The following COMMD10 variants were observed in gnomAD, a reference collection of about 807,000 sequenced individuals.
COMMD10 encodes COMM domain-containing protein 10.
COMMD10 carries 33 observed loss-of-function variants against 28.9 expected under a neutral mutation model. The observed-to-expected ratio is 1.14, with a 90% confidence interval of 0.87 to 1.53. The LOEUF (loss-of-function observed/expected upper bound fraction) is 1.53. Ranked by LOEUF, COMMD10 falls within the 40% of genes most tolerant of loss-of-function variation. The pLI is 0.00. For missense variants in COMMD10, 310 were observed against 233.4 expected (o/e 1.33, Z -2.14); for synonymous variants, 110 against 81.7 (o/e 1.35, Z -1.87).
chr5:116,152,205 C>A (rs1752551318), intron 5 of COMMD10, among the ~76,000 whole-genome samples: 1 of 152,164 alleles, frequency 6.6e-6, no homozygotes, highest in African/African-American at 2.4e-5. Context: ...AGTTTGATTG[C>A]ACTGTGGTCT....
chr5:116,282,319 C>T (rs1057294003), intron 5 of COMMD10, among the ~76,000 whole-genome samples: 4 of 151,888 alleles, frequency 2.6e-5, no homozygotes, highest in Admixed American at 2.6e-4. Flanking sequence ...CACATTTGAT[C>T]AAGCCACTGT....
chr5:116,143,069 G>GT (rs375227609), intron 5 of COMMD10, among the ~76,000 whole-genome samples: 85,321 of 130,764 alleles, frequency 0.65, 27,305 homozygotes, highest in East Asian at 0.72. Context: ...TGTGTTTTTG[G>GT]TTTTTTTTTT....
intron 5 of COMMD10, among the ~76,000 whole-genome samples, chr5:116,236,415 A>C (rs1749663194): frequency 6.6e-6 from 1 of 151,520 alleles, no homozygotes; most frequent in African/African-American, 2.4e-5. Flanking sequence ...GAGGCACTAG[A>C]ATAGCTTGAT....
chr5:116,209,136 G>A (rs1338917881), intron 5 of COMMD10, among the ~76,000 whole-genome samples: 1 of 149,348 alleles, frequency 6.7e-6, no homozygotes, highest in African/African-American at 2.5e-5. Flanking sequence ...TTTTCTTTTT[G>A]TTTGTAGTTT....
intron 4 of COMMD10, among the ~76,000 whole-genome samples, chr5:116,110,559 G>T (rs1751010557): frequency 6.6e-6 from 1 of 152,094 alleles, no homozygotes; most frequent in South Asian, 2.1e-4. Flanking sequence ...GTCTATTCAG[G>T]CTTTCTGTTT....
At chr5:116,162,701 A>T (rs1160343281) in intron 5 of COMMD10, among the ~76,000 whole-genome samples, 5 of 152,202 alleles carry the variant, frequency 3.3e-5, no homozygotes, top group Non-Finnish European at 7.3e-5. Context: ...TTTTCTATCC[A>T]GAGGGACAGT....
intron 5 of COMMD10, among the ~76,000 whole-genome samples, chr5:116,161,906 C>T (rs1228798920): frequency 6.6e-6 from 1 of 152,126 alleles, no homozygotes; most frequent in African/African-American, 2.4e-5. Context: ...GTTCTGTGGG[C>T]TTTTAAATCA....
intron 5 of COMMD10, among the ~76,000 whole-genome samples, chr5:116,210,633 A>G (rs1748937552): frequency 6.6e-6 from 1 of 152,104 alleles, no homozygotes; most frequent in South Asian, 2.1e-4. Context: ...GTGTGTTTAT[A>G]TTCCACATAC....
intron 5 of COMMD10, among the ~76,000 whole-genome samples, chr5:116,153,730 G>A (rs1228575001): frequency 6.6e-6 from 1 of 152,058 alleles, no homozygotes; most frequent in Non-Finnish European, 1.5e-5. Context: ...CCTGTTTTAA[G>A]TGTGGGCCAT....
chr5:116,139,805 A>G (rs1396482), intron 5 of COMMD10, among the ~76,000 whole-genome samples: 76,260 of 151,398 alleles, frequency 0.5, 21,790 homozygotes, highest in Non-Finnish European at 0.65. Flanking sequence ...TGCTGTTTTG[A>G]TATAAATATA....
chr5:116,201,964 G>A lies in COMMD10; in HGVS notation c.510+67786G>A, dbSNP rs577091278. Among the ~76,000 whole-genome samples, 838 of 151,712 alleles carry A rather than the reference G, an allele frequency of 5.5e-3. 7 individuals are homozygous for A. The highest frequency in any genetic ancestry group is 0.019 in the African/African-American group (781 of 41,352). Reference sequence around the variant, plus strand: ...AGGTTAGTTACATATGTATACATGTGCCATGCTGGTGTGCTGCACCCATTA... The same window carrying A: ...AGGTTAGTTACATATGTATACATGTACCATGCTGGTGTGCTGCACCCATTA... On this transcript the variant is annotated intron_variant, in intron 5 of 6. Coordinates refer to ENST00000274458, the MANE Select transcript of COMMD10 (RefSeq NM_016144.4).
At chr5:116,227,075 G>A (rs559814114) in intron 5 of COMMD10, among the ~76,000 whole-genome samples, 2 of 152,088 alleles carry the variant, frequency 1.3e-5, no homozygotes, top group African/African-American at 4.8e-5. Flanking sequence ...TTACAGAGTG[G>A]TAAGCAGGAA....
chr5:116,269,399 G>A (rs1183309082), intron 5 of COMMD10, among the ~76,000 whole-genome samples: 4 of 151,722 alleles, frequency 2.6e-5, no homozygotes, highest in Admixed American at 6.6e-5. Context: ...TACTGAGATC[G>A]TTAAATGGTG....
chr5:116,201,935 G>A (rs927904037), intron 5 of COMMD10, among the ~76,000 whole-genome samples: 1 of 151,732 alleles, frequency 6.6e-6, no homozygotes, highest in African/African-American at 2.4e-5. Flanking sequence ...TGTGCACAAT[G>A]TGCAGGTTAG....
In COMMD10 at chr5:116,199,913, G is replaced by A. The variant is rs371959963; in HGVS notation, c.510+65735G>A. 1.9e-4 allele frequency among the ~76,000 whole-genome samples: 29 copies of A among 152,124 alleles called. No individual in the cohort carries two copies. In the East Asian group the frequency reaches 5.2e-3, roughly 27 times the overall value. ...CACTTTTAAAGGGTGATTTCAAAGG[G>A]CACAGAATTTTAGGTTGTTGGGTTT... On this transcript the variant is annotated intron_variant, in intron 5 of 6. Coordinates refer to ENST00000274458, the MANE Select transcript of COMMD10 (RefSeq NM_016144.4).
chr5:116,146,338 A>G (rs1398641888), intron 5 of COMMD10, among the ~76,000 whole-genome samples: 1 of 151,816 alleles, frequency 6.6e-6, no homozygotes, highest in Non-Finnish European at 1.5e-5. Context: ...TAATGAGCCC[A>G]TTACCCCAGT....
At chr5:116,263,643 A>G (rs552427934) in intron 5 of COMMD10, among the ~76,000 whole-genome samples, 2 of 151,596 alleles carry the variant, frequency 1.3e-5, no homozygotes, top group Non-Finnish European at 1.5e-5. Context: ...GGTCTCCACA[A>G]TCGTTTTTCT....
At chr5:116,218,554 A>G (rs945834095) in intron 5 of COMMD10, among the ~76,000 whole-genome samples, 32 of 152,212 alleles carry the variant, frequency 2.1e-4, no homozygotes, top group Admixed American at 1.8e-3. Context: ...TTTTCTAAAG[A>G]AATTTATCCA....
At chr5:116,261,318 G>T (rs180815928) in intron 5 of COMMD10, among the ~76,000 whole-genome samples, 2 of 151,780 alleles carry the variant, frequency 1.3e-5, no homozygotes, top group Admixed American at 6.6e-5. Flanking sequence ...AGATGTGACC[G>T]TTGCTATTTG....
Sources: gnomAD v4.1 joint callset for allele counts (sites outside exome capture counted in the v4.1 genomes callset) on GRCh38, gnomAD v4.1.1 for gene constraint, MANE v1.5 for transcripts, NCBI Gene and HGNC (gene_info 2026-07-23, HGNC 2026-07-21) for gene names.